Variants in TMEM255B observed in about 807,000 individuals in gnomAD.
The protein encoded by TMEM255B is transmembrane protein 255B, also known as family with sequence similarity 70, member B.
In TMEM255B, 35 loss-of-function variants were observed where a neutral mutation model predicts 34.5. That is an observed-to-expected ratio of 1.01 (90% CI 0.77 to 1.34). TMEM255B has a LOEUF of 1.34. Ranked by LOEUF, TMEM255B falls within the 40% of genes most tolerant of loss-of-function variation. TMEM255B has a pLI of 0.00. For missense variants in TMEM255B, 432 were observed against 433.2 expected (o/e 1.00, Z 0.02); for synonymous variants, 206 against 201.2 (o/e 1.02, Z -0.20).
chr13:113,799,951 A>ACGCAGCCTCTC (rs995587635), intron 5 of TMEM255B: 80 of 1,289,374 alleles, frequency 6.2e-5, no homozygotes, highest in Middle Eastern at 2.4e-4. Context: ...CTTTAACTAA[A>ACGCAGCCTCTC]CGCAGCCTCT....
Position 113,812,298 on chromosome 13 carries a change from A to C in TMEM255B, c.*395A>C. Reference sequence around the variant, plus strand: ...TTTGTGGACATGTGTTGTGCGTTACACGTTCGTGTGTGCATCTGTGTCCTG... The same window carrying C: ...TTTGTGGACATGTGTTGTGCGTTACCCGTTCGTGTGTGCATCTGTGTCCTG... On this transcript the variant is annotated 3_prime_UTR_variant, in exon 9 of 9. Coordinates refer to ENST00000375353, the MANE Select transcript of TMEM255B (RefSeq NM_182614.4). The C allele has an allele frequency of 4.5e-6, 1 of 221,526 alleles. No individual in the cohort carries two copies. The highest frequency in any genetic ancestry group is 8.9e-6 in the Non-Finnish European group (1 of 111,832). The allele number at this position is 221,526 out of a possible 1,614,324, so 13.7% of individuals were successfully genotyped here. A position where few individuals can be genotyped will look rare whatever the true frequency, so the allele number is the denominator to read the frequency against.
chr13:113,789,788 G>C (rs896602314), intron 3 of TMEM255B, among the ~76,000 whole-genome samples: 6 of 152,088 alleles, frequency 3.9e-5, no homozygotes, highest in Admixed American at 3.9e-4. Context: ...GCCCTGGACT[G>C]ACCGTGTACA....
At chr13:113,766,065 C>T (rs371533700) in intron 1 of TMEM255B, 50 bp from the exon 2 acceptor site, 19 of 1,608,230 alleles carry the variant, frequency 1.2e-5, no homozygotes, top group East Asian at 4.5e-5. Context: ...GGCCTGACGC[C>T]CTCCTGAGCC....
chr13:113,797,026 C>A (rs2050954686), intron 4 of TMEM255B, among the ~76,000 whole-genome samples: 1 of 152,260 alleles, frequency 6.6e-6, no homozygotes, highest in Non-Finnish European at 1.5e-5. Context: ...ACTTGCTATT[C>A]TATGGCTTCC....
chr13:113,812,813 A>T lies in TMEM255B; in HGVS notation c.*910A>T, dbSNP rs1340628088. ...TCACAGGACAGGTCTCAGGTGGGTC[A>T]CAGGTCCTGAGTGGGTCACAGGTCC... On this transcript the variant is annotated 3_prime_UTR_variant, in exon 9 of 9. Coordinates refer to ENST00000375353, the MANE Select transcript of TMEM255B (RefSeq NM_182614.4). 1.8e-5 allele frequency: 3 copies of T among 166,494 alleles called. No homozygotes were observed. The highest frequency in any genetic ancestry group is 9.6e-5 in the South Asian group (1 of 10,384). 10.3% of individuals were successfully genotyped at this position (166,494 alleles called of 1,614,324 possible). A position where few individuals can be genotyped will look rare whatever the true frequency, so the allele number is the denominator to read the frequency against.
In TMEM255B at chr13:113,811,844, C is replaced by A; in HGVS notation, c.922C>A (p.Pro308Thr). ...CTCTGGGCTTCCCGGCCAGGCTCCACCGTGCTACGCACCCACCTACTTTCC... is the reference window on the plus strand; with the variant it reads ...CTCTGGGCTTCCCGGCCAGGCTCCAACGTGCTACGCACCCACCTACTTTCC... ...SGSGLPGQAPPCYAPTYFPPG... is the reference protein window; with the variant it reads ...SGSGLPGQAPTCYAPTYFPPG... The change falls in exon 9 of 9, where the codon CCG becomes ACG. Residue 308 changes from proline to threonine, a missense_variant. By Grantham distance (38) the Pro-to-Thr change is conservative. Transcript: ENST00000375353. 6.2e-7 allele frequency: 1 copy of A among 1,613,928 alleles called. No individual in the cohort carries two copies. Among genetic ancestry groups the A allele is most frequent in the Non-Finnish European group, 8.5e-7 (1 of 1,179,874 alleles).
rs1247984328 is a variant in TMEM255B at position 113,812,964 on chromosome 13, C to CTCGGGTGGATCACAGAT, written c.*1061_*1062insTCGGGTGGATCACAGAT. 6 of 106,094 alleles carry CTCGGGTGGATCACAGAT rather than the reference C, an allele frequency of 5.7e-5. No individual in the cohort carries two copies. The highest frequency in any genetic ancestry group is 2.9e-4 in the Admixed American group (3 of 10,394). 6.6% of individuals were successfully genotyped at this position (106,094 alleles called of 1,614,324 possible). ...TCACGGGTCCCGGGTGGGTCACGGG[C>CTCGGGTGGATCACAGAT]CCCGGGTGGGTCACGGGTCCCGGGT... is the stretch of plus-strand genomic sequence containing the variant. On this transcript the variant is annotated 3_prime_UTR_variant, in exon 9 of 9. Coordinates refer to ENST00000375353, the MANE Select transcript of TMEM255B (RefSeq NM_182614.4).
intron 3 of TMEM255B, among the ~76,000 whole-genome samples, chr13:113,783,839 AGAAGGGGTTTCGGAG>A (rs1041999069): frequency 6.6e-6 from 1 of 152,156 alleles, no homozygotes; most frequent in African/African-American, 2.4e-5. Flanking sequence ...CTGCAGGGTC[AGAAGGGGTTTCGGAG>A]GAAGGGATTT....
chr13:113,793,698 G>A (rs1352601743), intron 3 of TMEM255B, among the ~76,000 whole-genome samples: 1 of 152,372 alleles, frequency 6.6e-6, no homozygotes, highest in South Asian at 2.1e-4. Flanking sequence ...TTCCTCTGCT[G>A]AAGGATAAAA....
At chr13:113,809,131 G>T (rs1290728026) in intron 8 of TMEM255B, among the ~76,000 whole-genome samples, 1 of 116,096 alleles carries the variant, frequency 8.6e-6, no homozygotes, top group Non-Finnish European at 1.8e-5. Context: ...TGTGGTTCCT[G>T]GGGGGAGGGG....
At position 113,811,934 on chromosome 13, in the gene TMEM255B, GTT is replaced by G. The variant is rs374564555; in HGVS notation, c.*41_*42del. On this transcript the variant is annotated 3_prime_UTR_variant, in exon 9 of 9. Transcript: ENST00000375353. ...GCGTGGAGTAAAAGATAACTTGTTT[GTT>G]TTTTTTTTTAAAAAAAAGGCAGCCT... is the stretch of plus-strand genomic sequence containing the variant. 0.074 allele frequency: 100,983 copies of G among 1,363,468 alleles called. 2,394 individuals carry two copies. Among genetic ancestry groups the G allele is most frequent in the Admixed American group, 0.17 (6,950 of 41,876 alleles). The allele number at this position is 1,363,468 out of a possible 1,614,324, so 84.5% of individuals were successfully genotyped here.
rs548229339 is a variant in TMEM255B, at chr13:113,789,102, C to G, written c.253-6046C>G. The stretch of plus-strand genomic sequence containing the variant: ...AGGTAGCTGCACCCGGGCCACTCTC[C>G]CTCCCCACCTTATCCCCTTCCTTCT... On this transcript the variant is annotated intron_variant, in intron 3 of 8. Transcript: ENST00000375353. 2.6e-4 allele frequency among the ~76,000 whole-genome samples: 40 copies of G among 152,156 alleles called. 1 individual carries two copies. In the South Asian group the frequency reaches 8.3e-3, roughly 32 times the overall value.
intron 8 of TMEM255B, among the ~76,000 whole-genome samples, chr13:113,805,928 CTG>C (rs2051162925): frequency 6.6e-6 from 1 of 152,190 alleles, no homozygotes; most frequent in African/African-American, 2.4e-5. Flanking sequence ...GCAGAGAGAG[CTG>C]TGTCAGGCCC....
chr13:113,766,266 G>C lies in TMEM255B; in HGVS notation c.189+9G>C, dbSNP rs373372958. The C allele has an allele frequency of 1.9e-6, 3 of 1,613,740 alleles. No individual in the cohort carries two copies. In the South Asian group the frequency reaches 3.3e-5, roughly 18 times the overall value. ...ACTACCCAGGGATCATTGTGAGTGCGCCGGGCGGGCGGCCTGGGCCGGGGA... is the reference window on the plus strand; with the variant it reads ...ACTACCCAGGGATCATTGTGAGTGCCCCGGGCGGGCGGCCTGGGCCGGGGA... On this transcript the variant is annotated intron_variant, in intron 2 of 8. Coordinates refer to ENST00000375353, the MANE Select transcript of TMEM255B (RefSeq NM_182614.4).
intron 1 of TMEM255B, among the ~76,000 whole-genome samples, chr13:113,764,185 A>G (rs1039843212): frequency 2.0e-5 from 3 of 152,160 alleles, no homozygotes; most frequent in African/African-American, 7.2e-5. Context: ...GCATGACTTT[A>G]ACAGACACTG....
intron 7 of TMEM255B, 67 bp from the exon 8 acceptor site, chr13:113,804,818 G>T: frequency 1.4e-6 from 2 of 1,436,452 alleles, no homozygotes; most frequent in Non-Finnish European, 1.9e-6. Context: ...GGCTTTCTAG[G>T]AAGGCTGGAC....
chr13:113,776,085 G>A (rs540359379), intron 3 of TMEM255B, among the ~76,000 whole-genome samples: 1 of 152,300 alleles, frequency 6.6e-6, no homozygotes, highest in South Asian at 2.1e-4. Context: ...AACGCCTCAG[G>A]CCACACCTGC....
chr13:113,791,041 A>C (rs1471846744), intron 3 of TMEM255B, among the ~76,000 whole-genome samples: 1 of 152,226 alleles, frequency 6.6e-6, no homozygotes, highest in African/African-American at 2.4e-5. Context: ...GATGGAAGGT[A>C]GACCCTGCAA....
intron 4 of TMEM255B, among the ~76,000 whole-genome samples, chr13:113,797,638 G>A (rs1299075412): frequency 2.0e-5 from 3 of 152,224 alleles, no homozygotes; most frequent in African/African-American, 7.2e-5. Flanking sequence ...CCATTGCTGT[G>A]TCACCTAGAA....
Sources: gnomAD v4.1 joint callset for allele counts (sites outside exome capture counted in the v4.1 genomes callset) on GRCh38, gnomAD v4.1.1 for gene constraint, MANE v1.5 for transcripts, NCBI Gene and HGNC (gene_info 2026-07-23, HGNC 2026-07-21) for gene names.